Variants in NFIB observed in about 807,000 individuals in gnomAD.
The protein encoded by NFIB is nuclear factor I B.
NFIB carries 11 observed loss-of-function variants against 61.5 expected under a neutral mutation model. The observed-to-expected ratio is 0.18, with a 90% CI of 0.11 to 0.30. The LOEUF is 0.30. NFIB is among the 10% of genes least tolerant of loss of function. NFIB has a pLI of 1.00. For synonymous variants in NFIB, 260 were observed against 216.5 expected (o/e 1.20, Z -1.76); for missense variants, 471 against 608.9 (o/e 0.77, Z 2.38).
the NFIB span, among the ~76,000 whole-genome samples, chr9:14,437,869 G>A: frequency 2.0e-5 from 3 of 152,360 alleles, no homozygotes; most frequent in African/African-American, 2.4e-5. Context: ...GTGGCAATCC[G>A]TGAGGCTGAG....
intron 1 of NFIB, among the ~76,000 whole-genome samples, chr9:14,351,448 C>G (rs1016631820): frequency 2.0e-5 from 3 of 152,190 alleles, no homozygotes; most frequent in African/African-American, 7.2e-5. Context: ...TTGAATCACA[C>G]CCCTTCTGCC....
intron 1 of NFIB, among the ~76,000 whole-genome samples, chr9:14,379,464 G>T (rs930878650): frequency 3.3e-5 from 5 of 152,144 alleles, no homozygotes; most frequent in Non-Finnish European, 7.3e-5. Flanking sequence ...TGTAAGATCC[G>T]AATGCAGGTG....
At chr9:14,217,046 T>C (rs1275709659) in intron 2 of NFIB, among the ~76,000 whole-genome samples, 3 of 152,234 alleles carry the variant, frequency 2.0e-5, no homozygotes, top group Non-Finnish European at 4.4e-5. Context: ...AAGTGGAAGA[T>C]ATGTGAAATG....
chr9:14,197,262 T>G (rs1040757780), intron 2 of NFIB, among the ~76,000 whole-genome samples: 3 of 152,202 alleles, frequency 2.0e-5, no homozygotes, highest in Non-Finnish European at 4.4e-5. Flanking sequence ...GGGACGACCC[T>G]TAACCTTTCT....
At chr9:14,264,839 C>A (rs532783576) in intron 2 of NFIB, among the ~76,000 whole-genome samples, 3 of 151,854 alleles carry the variant, frequency 2.0e-5, no homozygotes, top group African/African-American at 7.2e-5. Flanking sequence ...CAAAGCCACA[C>A]TGATAGCAAC....
At position 14,335,640 on chromosome 9, in the gene NFIB, C is replaced by CT. The variant is rs533773862; in HGVS notation, c.109-28121dup. On this transcript the variant is annotated intron_variant, in intron 1 of 8. Transcript: ENST00000380934. ...TATTTTCTGCCACACTGTGGTTTTG[C>CT]TTTTCAGTCTTCTAACAGGTTCTTT... 3.5e-3 allele frequency among the ~76,000 whole-genome samples: 532 copies of CT among 152,226 alleles called. 4 individuals are homozygous for CT. The South Asian group carries it at 0.043, about 12-fold the overall frequency.
chr9:14,177,541 T>G (rs1033776461), intron 3 of NFIB, among the ~76,000 whole-genome samples: 1 of 152,118 alleles, frequency 6.6e-6, no homozygotes, highest in Non-Finnish European at 1.5e-5. Context: ...CAAGGCATAT[T>G]AAAGTCAATA....
At chr9:14,095,682 T>TTA (rs546889460) in intron 10 of NFIB, among the ~76,000 whole-genome samples, 278 of 152,294 alleles carry the variant, frequency 1.8e-3, no homozygotes, top group African/African-American at 6.0e-3. Context: ...AGAGATTCTT[T>TTA]TATAAATGAT....
At chr9:14,440,596 A>ATCAGTCCTT in the NFIB span, among the ~76,000 whole-genome samples, 1 of 152,236 alleles carries the variant, frequency 6.6e-6, no homozygotes. Context: ...GATCAGAAAG[A>ATCAGTCCTT]GACTGCTGTC....
upstream of NFIB, among the ~76,000 whole-genome samples, chr9:14,317,798 T>C (rs2060575534): frequency 6.6e-6 from 1 of 152,178 alleles, no homozygotes. Flanking sequence ...CTGGCTTCTC[T>C]TAACACAACA....
chr9:14,448,207 C>A, the NFIB span, among the ~76,000 whole-genome samples: 2 of 152,140 alleles, frequency 1.3e-5, no homozygotes, highest in Non-Finnish European at 2.9e-5. Context: ...GCTCATTGTA[C>A]ACAAAATTAG....
chr9:14,512,120 G>A, the NFIB span, among the ~76,000 whole-genome samples: 1 of 152,074 alleles, frequency 6.6e-6, no homozygotes. Context: ...ATTCCTTCGC[G>A]TTGTATTTTC....
the NFIB span, among the ~76,000 whole-genome samples, chr9:14,436,925 C>G: frequency 1.3e-5 from 2 of 149,504 alleles, no homozygotes; most frequent in Non-Finnish European, 2.9e-5. Flanking sequence ...GCTGGCACCC[C>G]GGAAGGAAAT....
chr9:14,351,961 C>T (rs868191229), intron 1 of NFIB, among the ~76,000 whole-genome samples: 2 of 152,108 alleles, frequency 1.3e-5, no homozygotes, highest in South Asian at 2.1e-4. Flanking sequence ...CCACAGACCC[C>T]GGGTCTCTTG....
Position 14,083,111 on chromosome 9 carries a change from A to AC in NFIB, c.*5197dup. On this transcript the variant is annotated 3_prime_UTR_variant, in exon 11 of 11. Transcript: ENST00000380953. ...CTTTTATTATTAAAAAAAAAAAAAAACTACTTACAACCATTGAAGAAAAAA... is the reference window on the plus strand; with the variant it reads ...CTTTTATTATTAAAAAAAAAAAAAAACCTACTTACAACCATTGAAGAAAAAA... 3 of 197,266 alleles carry AC rather than the reference A, an allele frequency of 1.5e-5. No individual in the cohort carries two copies. Among genetic ancestry groups the AC allele is most frequent in the East Asian group, 1.5e-4 (2 of 13,416 alleles). 12.2% of individuals were successfully genotyped at this position (197,266 alleles called of 1,614,324 possible). A position where few individuals can be genotyped will look rare whatever the true frequency, so the allele number is the denominator to read the frequency against.
intron 1 of NFIB, among the ~76,000 whole-genome samples, chr9:14,377,010 GAT>G (rs1407534231): frequency 2.6e-5 from 4 of 152,048 alleles, no homozygotes; most frequent in African/African-American, 9.7e-5. Flanking sequence ...TGACCAAAAA[GAT>G]ATACTGTATA....
intron 6 of NFIB, among the ~76,000 whole-genome samples, chr9:14,136,936 T>C (rs771149752): frequency 5.3e-5 from 8 of 152,298 alleles, no homozygotes; most frequent in Admixed American, 6.5e-5. Flanking sequence ...TATATTTTTT[T>C]TCTCCAACAA....
At position 14,369,052 on chromosome 9, in the gene NFIB, T is replaced by C. The variant is rs137860930; in HGVS notation, c.108+29472A>G. On this transcript the variant is annotated intron_variant, in intron 1 of 8. Transcript: ENST00000380934. Reference sequence around the variant, plus strand: ...TGATACATAATATCTCATTGCAATCTAGTAGTTTTACAGAAAAGGAAATTT... The same window carrying C: ...TGATACATAATATCTCATTGCAATCCAGTAGTTTTACAGAAAAGGAAATTT... 1.6e-3 allele frequency among the ~76,000 whole-genome samples: 249 copies of C among 152,306 alleles called. 1 individual carries two copies. The highest frequency in any genetic ancestry group is 5.2e-3 in the African/African-American group (216 of 41,568).
intron 9 of NFIB, 111 bp from the exon 10 acceptor site, chr9:14,113,192 G>C (rs2037642536): frequency 7.9e-6 from 6 of 761,778 alleles, no homozygotes; most frequent in Non-Finnish European, 1.2e-5. Context: ...AAAAAAAAAA[G>C]TGTCTTCATT....
Sources: allele counts gnomAD v4.1 joint callset (sites outside exome capture counted in the v4.1 genomes callset), GRCh38; gene constraint gnomAD v4.1.1; transcripts MANE v1.5; gene names NCBI Gene and HGNC (gene_info 2026-07-23, HGNC 2026-07-21).